Variants in GDAP2 observed in about 807,000 individuals in gnomAD.
GDAP2 encodes the protein ganglioside-induced differentiation-associated protein 2.
Under a neutral mutation model 67.0 loss-of-function variants are expected in GDAP2, and 51 were observed. The ratio of observed to expected loss-of-function variants is 0.76; its 90% CI spans 0.61 to 0.96. GDAP2 has a LOEUF of 0.96. Among genes scored for constraint, GDAP2 ranks in the 40% least tolerant of loss-of-function variants. The pLI is 0.00. For missense variants in GDAP2, 547 were observed against 588.3 expected, an observed-to-expected ratio of 0.93 and a Z score of 0.73; for synonymous variants, 203 against 207.3, an observed-to-expected ratio of 0.98 and a Z score of 0.18.
intron 5 of GDAP2, among the ~76,000 whole-genome samples, chr1:117,909,595 G>A (rs995843463): frequency 3.9e-5 from 6 of 152,210 alleles, no homozygotes; most frequent in African/African-American, 1.2e-4. Flanking sequence ...CAAGCAAAAG[G>A]CATCATCTTC....
chr1:117,893,624 G>A (rs1570975936), intron 8 of GDAP2, among the ~76,000 whole-genome samples: 3 of 152,090 alleles, frequency 2.0e-5, no homozygotes, highest in South Asian at 2.1e-4. Flanking sequence ...ATAAAAGCCC[G>A]ATTTAGAAAT....
intron 12 of GDAP2, 64 bp downstream of exon 12, chr1:117,881,759 C>A: frequency 1.2e-6 from 1 of 852,534 alleles, no homozygotes; most frequent in Non-Finnish European, 2.0e-6. Flanking sequence ...GAGCTATTAT[C>A]TTAATACTCT....
chr1:117,901,851 T>A (rs576743682), intron 6 of GDAP2, among the ~76,000 whole-genome samples: 7 of 152,362 alleles, frequency 4.6e-5, no homozygotes, highest in Non-Finnish European at 8.8e-5. Flanking sequence ...TTTCCGTATC[T>A]AACTCTTACA....
At chr1:117,872,104 GATC>G (rs1308520784) in intron 13 of GDAP2, among the ~76,000 whole-genome samples, 2 of 152,078 alleles carry the variant, frequency 1.3e-5, no homozygotes, top group Non-Finnish European at 1.5e-5. Flanking sequence ...CAACATCACT[GATC>G]ATTAGAGAAA....
chr1:117,916,194 T>G (rs1650039780), intron 3 of GDAP2, among the ~76,000 whole-genome samples: 2 of 152,178 alleles, frequency 1.3e-5, no homozygotes, highest in Admixed American at 6.5e-5. Flanking sequence ...GGTGGTCTGA[T>G]CTATTCTGAA....
chr1:117,878,260 A>T (rs536740849), intron 12 of GDAP2, 108 bp from the exon 13 acceptor site: 1 of 558,644 alleles, frequency 1.8e-6, no homozygotes, highest in Non-Finnish European at 3.1e-6. Context: ...AAAGTCTTAA[A>T]ATAACTAGTG....
intron 13 of GDAP2, among the ~76,000 whole-genome samples, chr1:117,876,532 C>A (rs1648461001): frequency 6.6e-6 from 1 of 152,182 alleles, no homozygotes; most frequent in South Asian, 2.1e-4. Context: ...TCTCTTTGAT[C>A]TAACATCTCA....
chr1:117,886,808 A>C (rs1648872085), intron 9 of GDAP2, among the ~76,000 whole-genome samples, 155 bp from the exon 10 acceptor site: 1 of 119,494 alleles, frequency 8.4e-6, no homozygotes, highest in Admixed American at 8.2e-5. Flanking sequence ...TTTTTTTTCT[A>C]CTCTGCAGAC....
At position 117,870,211 on chromosome 1, in the gene GDAP2, C is replaced by T. The variant is rs1026776686; in HGVS notation, c.*358G>A. ...GAATCACTTAAGTACACAAAGGAAG[C>T]GTGCAATGTTAGAGAGATGATGTGA... On this transcript the variant is annotated 3_prime_UTR_variant, in exon 14 of 14. Coordinates refer to ENST00000369443, the MANE Select transcript of GDAP2 (RefSeq NM_017686.4). The T allele has an allele frequency of 1.6e-5, 4 of 250,402 alleles. No individual in the cohort carries two copies. The highest frequency in any genetic ancestry group is 3.1e-5 in the Non-Finnish European group (4 of 131,082). The allele number at this position is 250,402 out of a possible 1,614,324, so 15.5% of individuals were successfully genotyped here. A position where few individuals can be genotyped will look rare whatever the true frequency, so the allele number is the denominator to read the frequency against.
intron 1 of GDAP2, among the ~76,000 whole-genome samples, chr1:117,923,768 AACT>A (rs1650344009): frequency 6.6e-6 from 1 of 152,218 alleles, no homozygotes; most frequent in South Asian, 2.1e-4. Context: ...CCCCCAAAGT[AACT>A]ACTATCAGAA....
At chr1:117,893,274 A>G (rs1181176889) in intron 8 of GDAP2, among the ~76,000 whole-genome samples, 1 of 152,196 alleles carries the variant, frequency 6.6e-6, no homozygotes, top group Non-Finnish European at 1.5e-5. Context: ...TTTGAAAAAG[A>G]GTATCTAGGT....
At chr1:117,906,330 T>C (rs193189452) in intron 6 of GDAP2, among the ~76,000 whole-genome samples, 176 bp downstream of exon 6, 2 of 152,336 alleles carry the variant, frequency 1.3e-5, no homozygotes, top group African/African-American at 4.8e-5. Context: ...TCTTGACTTA[T>C]TTTTAGTTTC....
chr1:117,886,467 T>C, intron 10 of GDAP2, 110 bp downstream of exon 10: 1 of 678,274 alleles, frequency 1.5e-6, no homozygotes, highest in South Asian at 1.7e-5. Flanking sequence ...CCTCTGTCAG[T>C]GATACACAAT....
intron 8 of GDAP2, among the ~76,000 whole-genome samples, chr1:117,893,372 A>G (rs2101133018): frequency 6.6e-6 from 1 of 152,284 alleles, no homozygotes; most frequent in Middle Eastern, 3.4e-3. Context: ...CTGGATTAGA[A>G]AGCACGTCTA....
chr1:117,923,320 G>C (rs1364943885), intron 1 of GDAP2, among the ~76,000 whole-genome samples: 1 of 152,228 alleles, frequency 6.6e-6, no homozygotes, highest in African/African-American at 2.4e-5. Context: ...CAAGAGTATT[G>C]ATTGGGGAAG....
intron 3 of GDAP2, among the ~76,000 whole-genome samples, chr1:117,916,510 G>T (rs895071449): frequency 6.6e-6 from 1 of 152,202 alleles, no homozygotes; most frequent in Non-Finnish European, 1.5e-5. Flanking sequence ...TACACTTACT[G>T]GTTGTGTGTG....
Position 117,881,809 on chromosome 1 carries a change from G to GA in GDAP2, c.1302+13dup. 1 of 1,436,276 alleles carries GA rather than the reference G, an allele frequency of 7.0e-7. No homozygotes were observed. Among genetic ancestry groups the GA allele is most frequent in the Non-Finnish European group, 9.8e-7 (1 of 1,018,072 alleles). 89.0% of individuals were successfully genotyped at this position (1,436,276 alleles called of 1,614,324 possible). A position where few individuals can be genotyped will look rare whatever the true frequency, so the allele number is the denominator to read the frequency against. On this transcript the variant is annotated intron_variant, in intron 12 of 13. Coordinates refer to ENST00000369443, the MANE Select transcript of GDAP2 (RefSeq NM_017686.4). The stretch of plus-strand genomic sequence containing the variant: ...CATAAATTCTAGATTTAACCAAAGA[G>GA]AAAAATACTGTACCTTTGAACGAAA...
At chr1:117,908,843 A>G (rs1557806026) in intron 5 of GDAP2, among the ~76,000 whole-genome samples, 1 of 151,928 alleles carries the variant, frequency 6.6e-6, no homozygotes, top group Non-Finnish European at 1.5e-5. Context: ...AAATAAATAA[A>G]TAAATAAATA....
intron 1 of GDAP2, among the ~76,000 whole-genome samples, chr1:117,927,860 T>C (rs982563516): frequency 1.3e-5 from 2 of 152,194 alleles, no homozygotes; most frequent in African/African-American, 4.8e-5. Flanking sequence ...CCCCTTCATA[T>C]TAAATGAACT....
Sources: allele counts gnomAD v4.1 joint callset (sites outside exome capture counted in the v4.1 genomes callset), GRCh38; gene constraint gnomAD v4.1.1; transcripts MANE v1.5; gene names NCBI Gene and HGNC (gene_info 2026-07-23, HGNC 2026-07-21).